Variants in PIGK observed in about 807,000 individuals in gnomAD.
PIGK encodes GPI-anchor transamidase.
Under a neutral mutation model 50.6 loss-of-function variants are expected in PIGK, and 42 were observed. That is an observed-to-expected ratio of 0.83 (90% confidence interval 0.65 to 1.07). The LOEUF is 1.07. Ranked by LOEUF, PIGK falls within the 50% of genes least tolerant of loss-of-function variation. PIGK has a pLI of 0.00. For missense variants in PIGK, 448 were observed against 488.7 expected, an observed-to-expected ratio of 0.92 and a Z score of 0.78; for synonymous variants, 151 against 156.0, an observed-to-expected ratio of 0.97 and a Z score of 0.24.
intron 3 of PIGK, among the ~76,000 whole-genome samples, chr1:77,172,070 A>ATTT (rs34115617): frequency 3.8e-5 from 5 of 130,936 alleles, no homozygotes; most frequent in African/African-American, 8.6e-5. Flanking sequence ...TCTACATTTA[A>ATTT]TTTTTTTTTT....
chr1:77,191,548 A>T (rs1312418239), intron 3 of PIGK, among the ~76,000 whole-genome samples: 1 of 152,240 alleles, frequency 6.6e-6, no homozygotes, highest in Non-Finnish European at 1.5e-5. Flanking sequence ...TTGCCTAAAA[A>T]ATGTATGCAA....
chr1:77,181,031 A>G (rs537064660), intron 3 of PIGK, among the ~76,000 whole-genome samples: 3 of 152,198 alleles, frequency 2.0e-5, no homozygotes, highest in Non-Finnish European at 4.4e-5. Context: ...TACTTCATCT[A>G]AATAGAATAT....
At chr1:77,146,167 C>T (rs1304187956) in intron 9 of PIGK, among the ~76,000 whole-genome samples, 1 of 152,000 alleles carries the variant, frequency 6.6e-6, no homozygotes, top group Admixed American at 6.6e-5. Context: ...TAACCCCTAC[C>T]TCACACAATA....
intron 3 of PIGK, among the ~76,000 whole-genome samples, chr1:77,185,342 T>C (rs1190680852): frequency 6.6e-6 from 1 of 152,194 alleles, no homozygotes; most frequent in Non-Finnish European, 1.5e-5. Flanking sequence ...ATTATGCTGA[T>C]TGGATCCAGT....
intron 9 of PIGK, among the ~76,000 whole-genome samples, chr1:77,145,720 T>C (rs1654753059): frequency 6.6e-6 from 1 of 151,300 alleles, no homozygotes; most frequent in African/African-American, 2.4e-5. Flanking sequence ...TATATGAAAA[T>C]GCAAAGAACC....
At position 77,092,578 on chromosome 1, in the gene PIGK, T is replaced by G. The variant is rs1263477948; in HGVS notation, c.1072-88A>C. 1.0e-5 allele frequency: 8 copies of G among 773,524 alleles called. No individual in the cohort carries two copies. The Middle Eastern group carries it at 1.2e-3, about 118-fold the overall frequency. The allele number at this position is 773,524 out of a possible 1,614,324, so 47.9% of individuals were successfully genotyped here. A position where few individuals can be genotyped will look rare whatever the true frequency, so the allele number is the denominator to read the frequency against. On this transcript the variant is annotated intron_variant, in intron 10 of 10. Coordinates refer to ENST00000370812, the MANE Select transcript of PIGK (RefSeq NM_005482.3). ...CAAACATTGATGAAAAAGATAAATTTCACTGGTTGTGTTTGAATGGGGACT... is the reference window on the plus strand; with the variant it reads ...CAAACATTGATGAAAAAGATAAATTGCACTGGTTGTGTTTGAATGGGGACT...
intron 9 of PIGK, among the ~76,000 whole-genome samples, chr1:77,140,316 T>C (rs1424976909): frequency 2.0e-5 from 3 of 151,916 alleles, no homozygotes; most frequent in Non-Finnish European, 4.4e-5. Context: ...TCTCTTGCTC[T>C]CACTCTCTTA....
At chr1:77,208,916 T>A (rs1656353969) in intron 2 of PIGK, among the ~76,000 whole-genome samples, 2 of 152,180 alleles carry the variant, frequency 1.3e-5, no homozygotes, top group Non-Finnish European at 2.9e-5. Flanking sequence ...AGCCTCAAAC[T>A]TCATTTGGCG....
intron 9 of PIGK, among the ~76,000 whole-genome samples, chr1:77,140,958 C>G (rs1357451171): frequency 6.6e-6 from 1 of 152,036 alleles, no homozygotes; most frequent in Non-Finnish European, 1.5e-5. Flanking sequence ...GTTTCAGTAC[C>G]TTAAAGGAAA....
At chr1:77,188,404 GGCTTATTA>G in intron 3 of PIGK, among the ~76,000 whole-genome samples, 1 of 152,132 alleles carries the variant, frequency 6.6e-6, no homozygotes, top group Non-Finnish European at 1.5e-5. Context: ...AGCACTCCCA[GGCTTATTA>G]GGAAGAGGAA....
At chr1:77,131,649 T>C (rs1384762710) in intron 9 of PIGK, among the ~76,000 whole-genome samples, 4 of 152,128 alleles carry the variant, frequency 2.6e-5, no homozygotes, top group African/African-American at 4.8e-5. Context: ...TTTCTGTATC[T>C]ACTGAAATAA....
rs187320565 is a variant in PIGK, at chr1:77,109,540, C to T, written c.1071+12735G>A. ...ATTATCTCAATAGATGCAGAAAAGGCCTTTGACAAAATTCAACCACACTTC... is the reference window on the plus strand; with the variant it reads ...ATTATCTCAATAGATGCAGAAAAGGTCTTTGACAAAATTCAACCACACTTC... On this transcript the variant is annotated intron_variant, in intron 10 of 10. Transcript: ENST00000370812. 3.7e-3 allele frequency among the ~76,000 whole-genome samples: 570 copies of T among 152,236 alleles called. 5 individuals are homozygous for T. The highest frequency in any genetic ancestry group is 0.013 in the African/African-American group (540 of 41,514).
chr1:77,109,124 A>T (rs866952289), intron 10 of PIGK, among the ~76,000 whole-genome samples: 83 of 152,314 alleles, frequency 5.4e-4, no homozygotes, highest in African/African-American at 1.8e-3. Flanking sequence ...CTAATAGCTT[A>T]CCAACCAAAA....
At chr1:77,161,172 G>A in intron 8 of PIGK, 123 bp downstream of exon 8, 1 of 634,872 alleles carries the variant, frequency 1.6e-6, no homozygotes. Context: ...ATATCAAATA[G>A]TTTTAAAAGC....
intron 3 of PIGK, chr1:77,195,490 T>C (rs940282): frequency 0.39 from 275,939 of 701,478 alleles, 56,189 homozygotes; most frequent in East Asian, 0.46. Flanking sequence ...GAATGACTAT[T>C]AAAATGGCAC....
intron 10 of PIGK, among the ~76,000 whole-genome samples, chr1:77,120,366 G>C (rs1166155087): frequency 6.6e-6 from 1 of 152,048 alleles, no homozygotes; most frequent in African/African-American, 2.4e-5. Context: ...CTACAGGCAC[G>C]CACCACTAAG....
intron 9 of PIGK, among the ~76,000 whole-genome samples, chr1:77,148,861 C>T (rs552639252): frequency 4.0e-5 from 6 of 151,824 alleles, no homozygotes; most frequent in Non-Finnish European, 5.9e-5. Context: ...ACTACAGGTG[C>T]GCACTGCCAC....
intron 10 of PIGK, among the ~76,000 whole-genome samples, chr1:77,093,145 T>C (rs555566284): frequency 1.3e-5 from 2 of 152,244 alleles, no homozygotes; most frequent in East Asian, 1.9e-4. Context: ...TGAGTTCCCA[T>C]AGTACCTGAA....
At chr1:77,170,813 C>T (rs1014810976) in intron 3 of PIGK, among the ~76,000 whole-genome samples, 1 of 152,114 alleles carries the variant, frequency 6.6e-6, no homozygotes, top group Non-Finnish European at 1.5e-5. Context: ...ATTAATGTGG[C>T]ATACGTAATT....
Sources: gnomAD v4.1 joint callset for allele counts (sites outside exome capture counted in the v4.1 genomes callset) on GRCh38, gnomAD v4.1.1 for gene constraint, MANE v1.5 for transcripts, NCBI Gene and HGNC (gene_info 2026-07-23, HGNC 2026-07-21) for gene names.